MSI2: variants seen among roughly 807,000 people sequenced by gnomAD.
The protein encoded by MSI2 is RNA-binding protein Musashi homolog 2.
Under a neutral mutation model 45.6 loss-of-function variants are expected in MSI2, and 17 were observed. The observed-to-expected ratio is 0.37, with a 90% CI of 0.26 to 0.56. The LOEUF (loss-of-function observed/expected upper bound fraction) is 0.56. Ranked by LOEUF, MSI2 falls within the 20% of genes least tolerant of loss-of-function variation. The pLI is 0.77. For synonymous variants in MSI2, 156 were observed against 158.2 expected (o/e 0.99, Z 0.11); for missense variants, 293 against 444.2 (o/e 0.66, Z 3.06).
intron 5 of MSI2, among the ~76,000 whole-genome samples, chr17:57,389,514 G>A (rs1029654287): frequency 4.3e-4 from 66 of 152,236 alleles, no homozygotes; most frequent in African/African-American, 1.6e-3. Context: ...CCAGCCCTGT[G>A]CTCTCACAGC....
chr17:57,274,179 G>A (rs1454038019), intron 5 of MSI2: 3 of 152,200 alleles, frequency 2.0e-5, no homozygotes, highest in East Asian at 1.9e-4. Context: ...ATAGAGGCTG[G>A]ATCCTACTCA....
At chr17:57,496,623 G>A (rs558487900) in intron 6 of MSI2, among the ~76,000 whole-genome samples, 28 of 152,280 alleles carry the variant, frequency 1.8e-4, no homozygotes, top group African/African-American at 5.5e-4. Context: ...CGTGTGCTCC[G>A]GGAGGACAGA....
chr17:57,296,138 G>T (rs943540201), intron 5 of MSI2, among the ~76,000 whole-genome samples: 1 of 150,916 alleles, frequency 6.6e-6, no homozygotes. Flanking sequence ...TTTTATGCAA[G>T]ATTTCATCGT....
chr17:57,494,740 C>T (rs2085941469), intron 6 of MSI2, among the ~76,000 whole-genome samples: 1 of 152,048 alleles, frequency 6.6e-6, no homozygotes, highest in South Asian at 2.1e-4. Context: ...AGAAACTTGT[C>T]CCGGACCACA....
At chr17:57,518,970 C>G (rs917820159) in intron 6 of MSI2, among the ~76,000 whole-genome samples, 1 of 152,190 alleles carries the variant, frequency 6.6e-6, no homozygotes, top group East Asian at 1.9e-4. Flanking sequence ...ATCGCCTCCT[C>G]TCTACACCCC....
chr17:57,679,560 A>G lies in MSI2; in HGVS notation c.*43A>G. On this transcript the variant is annotated 3_prime_UTR_variant, in exon 14 of 14. Transcript: ENST00000284073. ...TCCCTGCCCTGCAGAGCATACCTGG[A>G]TGTCCAGGCAAGACTGGGCGAAGTT... 1 of 1,058,078 alleles carries G rather than the reference A, an allele frequency of 9.5e-7. No individual in the cohort carries two copies. The allele number at this position is 1,058,078 out of a possible 1,614,324, so 65.5% of individuals were successfully genotyped here. A position where few individuals can be genotyped will look rare whatever the true frequency, so the allele number is the denominator to read the frequency against.
At chr17:57,328,295 A>T (rs1464667388) in intron 5 of MSI2, among the ~76,000 whole-genome samples, 1 of 147,624 alleles carries the variant, frequency 6.8e-6, no homozygotes, top group Admixed American at 6.7e-5. Context: ...TCATGCAGCC[A>T]TCCATCCATG....
chr17:57,432,367 T>C (rs2143392956), intron 6 of MSI2, among the ~76,000 whole-genome samples: 1 of 152,296 alleles, frequency 6.6e-6, no homozygotes, highest in East Asian at 1.9e-4. Flanking sequence ...ATTCCTGGGC[T>C]CATAGCCATT....
At chr17:57,695,909 G>A in the MSI2 span, among the ~76,000 whole-genome samples, 5 of 152,140 alleles carry the variant, frequency 3.3e-5, no homozygotes, top group African/African-American at 9.7e-5. Context: ...CTCACTGTGC[G>A]TGTGTGTGGT....
chr17:57,584,838 T>C (rs2088302375), intron 7 of MSI2, among the ~76,000 whole-genome samples: 1 of 151,970 alleles, frequency 6.6e-6, no homozygotes, highest in African/African-American at 2.4e-5. Flanking sequence ...GGGTCTTTTT[T>C]TGAGTTGGGG....
chr17:57,435,262 C>T (rs568011874), intron 6 of MSI2, among the ~76,000 whole-genome samples: 13 of 152,068 alleles, frequency 8.5e-5, no homozygotes, highest in African/African-American at 2.9e-4. Context: ...TAGTCATTCC[C>T]GAGAGGGAGC....
intron 8 of MSI2, among the ~76,000 whole-genome samples, chr17:57,610,025 G>A (rs944148418): frequency 4.6e-5 from 7 of 152,174 alleles, no homozygotes; most frequent in African/African-American, 9.7e-5. Context: ...TATCGGGTCC[G>A]CTGGCAAAAC....
In MSI2 at chr17:57,558,237, T is replaced by C. The variant is rs1352305818; in HGVS notation, c.454+28513T>C. ...TAATTGCACCTATTCAGCACTGCCA[T>C]TTCTAGTCACCACGCAGCCATCCGA... On this transcript the variant is annotated intron_variant, in intron 7 of 13. Coordinates refer to ENST00000284073, the MANE Select transcript of MSI2 (RefSeq NM_138962.4). Among the ~76,000 whole-genome samples the C allele has an allele frequency of 3.3e-5, 5 of 152,150 alleles. 2 individuals are homozygous for C. The Middle Eastern group carries it at 0.016, about 481-fold the overall frequency.
chr17:57,413,903 G>A lies in MSI2; in HGVS notation c.405+12432G>A, dbSNP rs557069515. ...CAAGGCATTGCATCTACAGCCTCAC[G>A]CATCATTCATTTGTTCATTGATTCA... is the stretch of plus-strand genomic sequence containing the variant. On this transcript the variant is annotated intron_variant, in intron 6 of 13. Coordinates refer to ENST00000284073, the MANE Select transcript of MSI2 (RefSeq NM_138962.4). Among the ~76,000 whole-genome samples, 44 of 151,990 alleles carry A rather than the reference G, an allele frequency of 2.9e-4. 1 individual carries two copies. Among genetic ancestry groups the A allele is most frequent in the Admixed American group, 1.6e-3 (24 of 15,288 alleles).
At chr17:57,329,076 A>G (rs114407130) in intron 5 of MSI2, among the ~76,000 whole-genome samples, 1,525 of 152,274 alleles carry the variant, frequency 0.01, 34 homozygotes, top group African/African-American at 0.035. Context: ...AGGGGAGTGG[A>G]GACTCTAGCT....
Position 57,610,040 on chromosome 17 carries a change from G to A in MSI2, c.538-5930G>A, listed in dbSNP as rs76139967. Among the ~76,000 whole-genome samples the A allele has an allele frequency of 8.0e-3, 1,222 of 152,266 alleles. 23 individuals carry two copies. The highest frequency in any genetic ancestry group is 0.026 in the African/African-American group (1,064 of 41,540). ...TATCGGGTCCGCTGGCAAAACAAGCGTATGGAAGGTAAAGTATTGCATTAA... is the reference window on the plus strand; with the variant it reads ...TATCGGGTCCGCTGGCAAAACAAGCATATGGAAGGTAAAGTATTGCATTAA... On this transcript the variant is annotated intron_variant, in intron 8 of 13. Transcript: ENST00000284073.
rs1555643256 is a variant in MSI2 at position 57,682,326 on chromosome 17, C to CT, written c.*2809_*2810insT. The CT allele has an allele frequency of 5.8e-6, 1 of 173,686 alleles. No individual in the cohort carries two copies. The highest frequency in any genetic ancestry group is 6.5e-5 in the Admixed American group (1 of 15,294). 10.8% of individuals were successfully genotyped at this position (173,686 alleles called of 1,614,324 possible). On this transcript the variant is annotated 3_prime_UTR_variant, in exon 14 of 14. Transcript: ENST00000284073. Reference sequence around the variant, plus strand: ...TACGGCGTTTTGTAGATCCCCCCCCCCCCACCCACTGTGAAGGGGTGCCAT... The same window carrying CT: ...TACGGCGTTTTGTAGATCCCCCCCCCTCCCACCCACTGTGAAGGGGTGCCAT...
At chr17:57,562,866 G>A (rs2087614739) in intron 7 of MSI2, among the ~76,000 whole-genome samples, 1 of 152,142 alleles carries the variant, frequency 6.6e-6, no homozygotes, top group South Asian at 2.1e-4. Flanking sequence ...GGAATGCCGA[G>A]GCAGGCGGAT....
intron 6 of MSI2, among the ~76,000 whole-genome samples, chr17:57,409,563 C>A (rs1471971810): frequency 6.6e-6 from 1 of 152,200 alleles, no homozygotes; most frequent in East Asian, 1.9e-4. Context: ...CACAAGGACT[C>A]ATACCTTCTG....
Sources: allele counts gnomAD v4.1 joint callset (sites outside exome capture counted in the v4.1 genomes callset), GRCh38; gene constraint gnomAD v4.1.1; transcripts MANE v1.5; gene names NCBI Gene and HGNC (gene_info 2026-07-23, HGNC 2026-07-21).